Variants in ARHGEF18 observed in about 807,000 individuals in gnomAD.
ARHGEF18 encodes the protein Rho/Rac guanine nucleotide exchange factor 18, also known as rho guanine nucleotide exchange factor 18.
Under a neutral mutation model 155.7 loss-of-function variants are expected in ARHGEF18, and 93 were observed. The observed-to-expected ratio is 0.60, with a 90% CI of 0.50 to 0.71. The LOEUF is 0.71. Among genes scored for constraint, ARHGEF18 ranks in the 30% least tolerant of loss-of-function variants. The probability of loss-of-function intolerance (pLI) is 0.00; values close to 1 mark genes in which losing one functional copy is unlikely to be tolerated. For missense variants in ARHGEF18, 1,593 were observed against 1,816.1 expected (o/e 0.88, Z 2.23); for synonymous variants, 742 against 753.1 (o/e 0.99, Z 0.24).
rs890582592 is a variant in ARHGEF18, at chr19:7,447,175, A to G, written c.1737+7A>G. ...ATTTCAAAACTTGATCAAGGTAAAA[A>G]CAATTTTTTTTTTTAATCAAAAACT... On this transcript the variant is annotated splice_region_variant and intron_variant, in intron 15 of 28. Coordinates refer to ENST00000668164, the MANE Select transcript of ARHGEF18 (RefSeq NM_001367823.1). 27 of 1,606,602 alleles carry G rather than the reference A, an allele frequency of 1.7e-5. No homozygotes were observed. The highest frequency in any genetic ancestry group is 2.1e-5 in the Non-Finnish European group (25 of 1,176,426).
At chr19:7,377,080 T>C (rs1388701166) in intron 5 of ARHGEF18, among the ~76,000 whole-genome samples, 1 of 151,952 alleles carries the variant, frequency 6.6e-6, no homozygotes, top group Non-Finnish European at 1.5e-5. Flanking sequence ...ATGACTCTTT[T>C]TTTTTTTTGA....
chr19:7,433,347 G>A lies in ARHGEF18; in HGVS notation c.968-6997G>A, dbSNP rs192246660. On this transcript the variant is annotated intron_variant, in intron 10 of 28. Coordinates refer to ENST00000668164, the MANE Select transcript of ARHGEF18 (RefSeq NM_001367823.1). ...CTGGGTGTGGTTGGACACACCTGTAGTCCCAGCTACTCGGGAGGCTGAGGC... is the reference window on the plus strand; with the variant it reads ...CTGGGTGTGGTTGGACACACCTGTAATCCCAGCTACTCGGGAGGCTGAGGC... Among the ~76,000 whole-genome samples the A allele has an allele frequency of 8.5e-3, 1,278 of 151,096 alleles. 6 individuals are homozygous for A. The highest frequency in any genetic ancestry group is 0.024 in the Middle Eastern group (7 of 294).
chr19:7,477,016 CTG>C (rs1977245803), downstream of ARHGEF18: 1 of 460,746 alleles, frequency 2.2e-6, no homozygotes, highest in Non-Finnish European at 3.6e-6. Flanking sequence ...CCCCTGAAAA[CTG>C]TCACGGCTCA....
chr19:7,454,988 A>G (rs139913233), intron 17 of ARHGEF18, among the ~76,000 whole-genome samples: 1 of 152,242 alleles, frequency 6.6e-6, no homozygotes, highest in Non-Finnish European at 1.5e-5. Context: ...TTCAAGACCC[A>G]TGTTGCAGTT....
chr19:7,403,275 G>A (rs760168591), intron 10 of ARHGEF18, among the ~76,000 whole-genome samples: 6 of 152,090 alleles, frequency 3.9e-5, no homozygotes, highest in Non-Finnish European at 8.8e-5. Flanking sequence ...TCACAGAGTG[G>A]TGCAGCTGTC....
chr19:7,375,264 T>A (rs181115994), intron 3 of ARHGEF18, among the ~76,000 whole-genome samples: 4,145 of 120,350 alleles, frequency 0.034, 252 homozygotes, highest in African/African-American at 0.13. Flanking sequence ...AGAGTGAGAC[T>A]CTGTCTCAAA....
chr19:7,400,033 A>C (rs1228349263), intron 10 of ARHGEF18, among the ~76,000 whole-genome samples: 1 of 152,050 alleles, frequency 6.6e-6, no homozygotes, highest in African/African-American at 2.4e-5. Flanking sequence ...TGTCTCCCAA[A>C]GTGTTGGTAT....
intron 10 of ARHGEF18, among the ~76,000 whole-genome samples, chr19:7,439,173 G>A (rs1202834321): frequency 6.6e-6 from 1 of 150,488 alleles, no homozygotes; most frequent in Non-Finnish European, 1.5e-5. Flanking sequence ...GTGAGCCACC[G>A]CACCCGGCCA....
At chr19:7,411,277 T>TTCCCCTTCCCCG (rs1568309300) in intron 10 of ARHGEF18, among the ~76,000 whole-genome samples, 1 of 94,962 alleles carries the variant, frequency 1.1e-5, no homozygotes. Flanking sequence ...CCCCTTCCCC[T>TTCCCCTTCCCCG]TTCCCTTTCC....
intron 10 of ARHGEF18, among the ~76,000 whole-genome samples, chr19:7,416,530 CGTGTGTGTGTGTGTGTGTGTGT>C (rs71179108): frequency 3.1e-4 from 33 of 105,952 alleles, no homozygotes; most frequent in Middle Eastern, 6.3e-3. Context: ...GGAGAAAATT[CGTGTGTGTGTGTGTGTGTGTGT>C]GTGTGTGTGT....
chr19:7,436,470 T>G (rs572417181), intron 10 of ARHGEF18, among the ~76,000 whole-genome samples: 1 of 151,974 alleles, frequency 6.6e-6, no homozygotes, highest in African/African-American at 2.4e-5. Context: ...TAGAGACAGG[T>G]TTTCCCCATG....
At chr19:7,425,765 C>G (rs1323804087) in intron 10 of ARHGEF18, among the ~76,000 whole-genome samples, 1 of 151,014 alleles carries the variant, frequency 6.6e-6, no homozygotes, top group African/African-American at 2.4e-5. Context: ...TTTGGGAGAC[C>G]AAGGCAGGAG....
rs377056531 is a variant in ARHGEF18, at chr19:7,462,823, CTT to C, written c.2635+495_2635+496del. 7.1e-6 allele frequency among the ~76,000 whole-genome samples: 1 copy of C among 140,356 alleles called. No individual in the cohort carries two copies. The highest frequency in any genetic ancestry group is 2.7e-5 in the African/African-American group (1 of 36,866). 92.1% of individuals were successfully genotyped at this position (140,356 alleles called of 152,430 possible). The stretch of plus-strand genomic sequence containing the variant: ...GCAGTCAGCGCCCAGTCTGCTCTTT[CTT>C]TTTTTCTTTTCTTTTTTTTTTTTTT... On this transcript the variant is annotated intron_variant, in intron 21 of 28. Transcript: ENST00000668164. The surrounding 1 kb of genome is among the most constrained non-coding windows in gnomAD (Gnocchi z 4.4).
Position 7,459,958 on chromosome 19 carries a change from G to C in ARHGEF18, c.2416G>C (p.Val806Leu). 2 of 1,590,832 alleles carry C rather than the reference G, an allele frequency of 1.3e-6. No individual in the cohort carries two copies. Among genetic ancestry groups the C allele is most frequent in the East Asian group, 4.6e-5 (2 of 43,732 alleles). ...CCTGCCCGAAGAGGAAAGGAAGGTG[G>C]TCGAGGCCCGCGCCACGAGACTCCG... The part of the protein sequence containing the change: ...FSLPEEERKV[V>L]EARATRLRDF... Residue 806 changes from valine (V) to leucine (L), a missense_variant, in exon 20 of 29, where the codon GTC becomes CTC. Physicochemically the swap from Val to Leu is conservative, Grantham distance 32 (BLOSUM62 1). Coordinates refer to ENST00000668164, the MANE Select transcript of ARHGEF18 (RefSeq NM_001367823.1).
intron 25 of ARHGEF18, 45 bp from the exon 26 acceptor site, chr19:7,467,169 G>T: frequency 6.3e-7 from 1 of 1,577,678 alleles, no homozygotes; most frequent in Non-Finnish European, 8.6e-7. Context: ...TGGTTGGCTG[G>T]GGCGCAGGTG....
chr19:7,422,677 C>A (rs574560386), intron 10 of ARHGEF18, among the ~76,000 whole-genome samples: 1 of 151,686 alleles, frequency 6.6e-6, no homozygotes, highest in Non-Finnish European at 1.5e-5. Flanking sequence ...TCTCAAACAC[C>A]GCATCATCAG....
At chr19:7,459,754 T>C in intron 19 of ARHGEF18, 149 bp from the exon 20 acceptor site, 1 of 634,842 alleles carries the variant, frequency 1.6e-6, no homozygotes, top group Admixed American at 3.1e-5. Flanking sequence ...CTCTCTCTCT[T>C]CCCCTCCTCG....
rs765824837 is a variant in ARHGEF18 at position 7,470,346 on chromosome 19, T to G, written c.*48T>G. 1.5e-6 allele frequency: 2 copies of G among 1,366,148 alleles called. No individual in the cohort carries two copies. Among genetic ancestry groups the G allele is most frequent in the South Asian group, 1.7e-5 (1 of 60,194 alleles). 84.6% of individuals were successfully genotyped at this position (1,366,148 alleles called of 1,614,324 possible). On this transcript the variant is annotated 3_prime_UTR_variant, in exon 29 of 29. Coordinates refer to ENST00000668164, the MANE Select transcript of ARHGEF18 (RefSeq NM_001367823.1). The surrounding 1 kb of genome is among the most constrained non-coding windows in gnomAD (Gnocchi z 5.9). ...AGGCCCCTCCCTGCCCTGCCCACCC[T>G]TCCTGCTCTCTGGGGACCCCCATGG...
rs1274012823 is a variant in ARHGEF18, at chr19:7,458,413, ACCCCCACTCTTAGTTC to A, written c.2182-95_2182-80del. Reference sequence around the variant, plus strand: ...TGTTTGAAAAGAAATGAGGAGCGTGACCCCCACTCTTAGTTCCCCTCACCAGGCCCTTGACCTCCCT... The same window carrying A: ...TGTTTGAAAAGAAATGAGGAGCGTGACCCTCACCAGGCCCTTGACCTCCCT... On this transcript the variant is annotated intron_variant, in intron 18 of 28. Coordinates refer to ENST00000668164, the MANE Select transcript of ARHGEF18 (RefSeq NM_001367823.1). 3.7e-6 allele frequency: 4 copies of A among 1,089,720 alleles called. No homozygotes were observed. In the East Asian group the frequency reaches 1.0e-4, roughly 28 times the overall value. 67.5% of individuals were successfully genotyped at this position (1,089,720 alleles called of 1,614,324 possible).
Sources: allele counts gnomAD v4.1 joint callset (sites outside exome capture counted in the v4.1 genomes callset), GRCh38; gene constraint gnomAD v4.1.1; non-coding constraint Gnocchi (gnomAD v3.1); transcripts MANE v1.5; gene names NCBI Gene and HGNC (gene_info 2026-07-23, HGNC 2026-07-21).